Variants in SUDS3 observed in about 807,000 individuals in gnomAD.
SUDS3 encodes sin3 histone deacetylase corepressor complex component SDS3.
In SUDS3, 23 loss-of-function variants were observed where a neutral mutation model predicts 53.5. The ratio of observed to expected loss-of-function variants is 0.43; its 90% CI spans 0.31 to 0.61. The LOEUF (loss-of-function observed/expected upper bound fraction) is 0.61, where lower values mean the gene tolerates loss of function less well. Ranked by LOEUF, SUDS3 falls within the 20% of genes least tolerant of loss-of-function variation. The pLI, the probability that SUDS3 is intolerant of heterozygous loss-of-function variation, is 0.10. For missense variants in SUDS3, 291 were observed against 405.9 expected, an observed-to-expected ratio of 0.72 and a Z score of 2.43; for synonymous variants, 150 against 148.5, an observed-to-expected ratio of 1.01 and a Z score of -0.08.
intron 6 of SUDS3, among the ~76,000 whole-genome samples, chr12:118,396,745 C>A (rs2046219099): frequency 6.6e-6 from 1 of 152,204 alleles, no homozygotes; most frequent in Non-Finnish European, 1.5e-5. Context: ...AAAAGGCCAG[C>A]CAGTAAACTG....
At position 118,401,967 on chromosome 12, in the gene SUDS3, G is replaced by GTTGTTC. The variant is rs1438147330; in HGVS notation, c.676-13_676-8dup. 6 of 1,613,736 alleles carry GTTGTTC rather than the reference G, an allele frequency of 3.7e-6. No individual in the cohort carries two copies. In the African/African-American group the frequency reaches 6.7e-5, roughly 18 times the overall value. On this transcript the variant is annotated splice_polypyrimidine_tract_variant and intron_variant, in intron 8 of 11. Coordinates refer to ENST00000543473, the MANE Select transcript of SUDS3 (RefSeq NM_022491.3). ...ATGATTTTCTCTAAGATTTTTTGTT[G>GTTGTTC]TTGTTCTTCCTACAGCTTAAGTCAC...
rs1160774629 is a variant in SUDS3 at position 118,389,910 on chromosome 12, CT to C, written c.341-12del. 1 of 1,614,022 alleles carries C rather than the reference CT, an allele frequency of 6.2e-7. No homozygotes were observed. The highest frequency in any genetic ancestry group is 1.7e-5 in the Admixed American group (1 of 60,022). ...GCACAGCCTAGCAAATCTAATTGCACTTTTTATCTCTTGCAGAACTCTTCCT... is the reference window on the plus strand; with the variant it reads ...GCACAGCCTAGCAAATCTAATTGCACTTTTATCTCTTGCAGAACTCTTCCT... On this transcript the variant is annotated splice_polypyrimidine_tract_variant and intron_variant, in intron 4 of 11. Transcript: ENST00000543473.
At position 118,376,827 on chromosome 12, in the gene SUDS3, G is replaced by A. The variant is rs1218735000; in HGVS notation, c.136G>A (p.Asp46Asn). 2.4e-5 allele frequency: 37 copies of A among 1,538,594 alleles called. No individual in the cohort carries two copies. Among genetic ancestry groups the A allele is most frequent in the Non-Finnish European group, 3.0e-5 (34 of 1,149,388 alleles). Residue 46 changes from aspartate to asparagine, a missense_variant, in exon 1 of 12, where the codon GAC becomes AAC. Around this residue, in one of 4 missense-constraint regions of SUDS3, gnomAD observed 149 missense variants for 146.5 expected, o/e 1.02. Transcript: ENST00000543473. ...DERSCRGRES[D>N]EDTEDASETD... is the part of the protein sequence containing the mutation. Reference sequence around the variant, plus strand: ...GCGCAGCTGTCGGGGCCGCGAGTCGGACGAAGGTGAGTCCTGCCGCTCGCC... The same window carrying A: ...GCGCAGCTGTCGGGGCCGCGAGTCGAACGAAGGTGAGTCCTGCCGCTCGCC...
At chr12:118,400,479 C>A (rs1056864992) in intron 6 of SUDS3, among the ~76,000 whole-genome samples, 180 bp from the exon 7 acceptor site, 3 of 152,136 alleles carry the variant, frequency 2.0e-5, no homozygotes, top group Non-Finnish European at 4.4e-5. Flanking sequence ...CTGAATCTTA[C>A]AAGTATAAAC....
chr12:118,411,060 T>A lies in SUDS3; in HGVS notation c.804-13T>A. 6.3e-7 allele frequency: 1 copy of A among 1,597,724 alleles called. No individual in the cohort carries two copies. The highest frequency in any genetic ancestry group is 8.5e-7 in the Non-Finnish European group (1 of 1,171,786). ...CCCTCCCTTTTTAAAAATGTGTGCC[T>A]TGTTTTTGTCAGGTACCACAAGAGC... On this transcript the variant is annotated splice_polypyrimidine_tract_variant and intron_variant, in intron 10 of 11. Coordinates refer to ENST00000543473, the MANE Select transcript of SUDS3 (RefSeq NM_022491.3).
At chr12:118,399,360 G>A (rs577513997) in intron 6 of SUDS3, among the ~76,000 whole-genome samples, 12 of 152,228 alleles carry the variant, frequency 7.9e-5, no homozygotes, top group African/African-American at 1.2e-4. Flanking sequence ...AAAATTAGCC[G>A]GGTGTGGTGG....
At chr12:118,387,030 G>T (rs1315274641) in intron 4 of SUDS3, among the ~76,000 whole-genome samples, 1 of 152,166 alleles carries the variant, frequency 6.6e-6, no homozygotes, top group Non-Finnish European at 1.5e-5. Context: ...TCCTCATGCT[G>T]CTGTCATCTT....
intron 6 of SUDS3, among the ~76,000 whole-genome samples, chr12:118,392,427 T>A (rs1442799528): frequency 1.3e-5 from 2 of 152,122 alleles, no homozygotes; most frequent in Non-Finnish European, 2.9e-5. Flanking sequence ...TAAGGTGGGG[T>A]CTGACTTTTG....
intron 10 of SUDS3, among the ~76,000 whole-genome samples, chr12:118,407,459 G>A (rs1341379220): frequency 2.0e-5 from 3 of 152,138 alleles, no homozygotes; most frequent in African/African-American, 7.2e-5. Context: ...CAAAGGAGGC[G>A]GATCTGGGAG....
chr12:118,415,412 G>A lies in SUDS3; in HGVS notation c.*979G>A, dbSNP rs1181648793. The A allele has an allele frequency of 2.0e-5, 3 of 152,128 alleles. No homozygotes were observed. The highest frequency in any genetic ancestry group is 1.3e-4 in the Admixed American group (2 of 15,260). 9.4% of individuals were successfully genotyped at this position (152,128 alleles called of 1,614,324 possible). On this transcript the variant is annotated 3_prime_UTR_variant, in exon 12 of 12. Coordinates refer to ENST00000543473, the MANE Select transcript of SUDS3 (RefSeq NM_022491.3). ...ACATTGGCCATTCCAAACCTGTGGA[G>A]AACTTTGTTGTCAGGCCCTGAGCGC...
chr12:118,387,922 A>G (rs2046130094), intron 4 of SUDS3, among the ~76,000 whole-genome samples: 1 of 152,164 alleles, frequency 6.6e-6, no homozygotes, highest in Non-Finnish European at 1.5e-5. Context: ...ATCAGTCACG[A>G]CTTGAGCTTT....
At chr12:118,402,115 A>G (rs2046268458) in intron 9 of SUDS3, 111 bp downstream of exon 9, 1 of 1,286,194 alleles carries the variant, frequency 7.8e-7, no homozygotes, top group Non-Finnish European at 1.1e-6. Flanking sequence ...AATGTTCATC[A>G]TTTGCCTAAG....
intron 9 of SUDS3, 74 bp downstream of exon 9, chr12:118,402,078 G>A (rs931321541): frequency 5.8e-6 from 9 of 1,547,740 alleles, no homozygotes; most frequent in Non-Finnish European, 8.0e-6. Flanking sequence ...ATACCTGTCA[G>A]GAAATGGTTG....
intron 10 of SUDS3, among the ~76,000 whole-genome samples, chr12:118,408,043 G>A (rs2046323520): frequency 6.6e-6 from 1 of 152,044 alleles, no homozygotes; most frequent in Non-Finnish European, 1.5e-5. Flanking sequence ...TGGGACTACA[G>A]GCACCCGCCA....
Position 118,395,951 on chromosome 12 carries a change from A to G in SUDS3, c.517+4669A>G, listed in dbSNP as rs532323409. 1.5e-4 allele frequency among the ~76,000 whole-genome samples: 23 copies of G among 152,146 alleles called. No homozygotes were observed. In the South Asian group the frequency reaches 4.8e-3, roughly 32 times the overall value. ...CAGGTGATCTGCCCAAAGTGCTGGG[A>G]TTACAGACATGAACCACCGTGCCCA... On this transcript the variant is annotated intron_variant, in intron 6 of 11. Coordinates refer to ENST00000543473, the MANE Select transcript of SUDS3 (RefSeq NM_022491.3).
chr12:118,410,592 A>AT lies in SUDS3; in HGVS notation c.804-478dup, dbSNP rs1218731317. 2.5e-3 allele frequency among the ~76,000 whole-genome samples: 334 copies of AT among 135,938 alleles called. 2 individuals are homozygous for AT. The highest frequency in any genetic ancestry group is 7.8e-3 in the Admixed American group (103 of 13,242). The allele number at this position is 135,938 out of a possible 152,430, so 89.2% of individuals were successfully genotyped here. A position where few individuals can be genotyped will look rare whatever the true frequency, so the allele number is the denominator to read the frequency against. On this transcript the variant is annotated intron_variant, in intron 10 of 11. Coordinates refer to ENST00000543473, the MANE Select transcript of SUDS3 (RefSeq NM_022491.3). ...ATTTATTTATTTATTTTATTTATTT[A>AT]TTTATTTATTTATTTATTTTTTGAG...
intron 6 of SUDS3, among the ~76,000 whole-genome samples, chr12:118,392,466 TAGAG>T (rs564723256): frequency 2.0e-4 from 30 of 152,284 alleles, no homozygotes; most frequent in African/African-American, 3.6e-4. Context: ...AGCTTCCTCA[TAGAG>T]AGAGTTGGCA....
At chr12:118,387,834 G>A (rs1415080022) in intron 4 of SUDS3, among the ~76,000 whole-genome samples, 4 of 152,134 alleles carry the variant, frequency 2.6e-5, no homozygotes, top group African/African-American at 7.2e-5. Context: ...GGGGTTACAG[G>A]TGTGAGCCAA....
chr12:118,401,540 C>T (rs2046262657), intron 7 of SUDS3, among the ~76,000 whole-genome samples: 1 of 152,192 alleles, frequency 6.6e-6, no homozygotes, highest in African/African-American at 2.4e-5. Flanking sequence ...CTCATTCCAC[C>T]TTCTCATCCT....
Sources: gnomAD v4.1 joint callset for allele counts (sites outside exome capture counted in the v4.1 genomes callset) on GRCh38, gnomAD v4.1.1 for gene constraint, gnomAD v4.1.1 regional missense constraint, MANE v1.5 for transcripts, NCBI Gene and HGNC (gene_info 2026-07-23, HGNC 2026-07-21) for gene names.